PCYOX1L: variants seen among roughly 807,000 people sequenced by gnomAD.
PCYOX1L encodes the protein prenylcysteine oxidase 1-like.
PCYOX1L carries 40 observed loss-of-function variants against 44.1 expected under a neutral mutation model. The observed-to-expected ratio is 0.91, with a 90% CI of 0.70 to 1.18. The LOEUF is 1.18. PCYOX1L is among the 50% of genes most tolerant of loss of function. The probability of loss-of-function intolerance (pLI) is 0.00; values close to 1 mark genes in which losing one functional copy is unlikely to be tolerated. For missense variants in PCYOX1L, 605 were observed against 653.3 expected (o/e 0.93, Z 0.81); for synonymous variants, 266 against 282.8 (o/e 0.94, Z 0.60).
At chr5:149,367,646 T>C (rs1758260837) in intron 5 of PCYOX1L, 146 bp downstream of exon 5, 2 of 1,193,522 alleles carry the variant, frequency 1.7e-6, no homozygotes, top group African/African-American at 1.6e-5. Flanking sequence ...CCCTGCCAGG[T>C]GACACTAGAG....
At chr5:149,365,850 C>T (rs1758178477) in intron 3 of PCYOX1L, 92 bp from the exon 4 acceptor site, 3 of 1,175,744 alleles carry the variant, frequency 2.6e-6, no homozygotes, top group African/African-American at 1.5e-5. Flanking sequence ...GTGATGGGTT[C>T]CTGGTGGGCC....
intron 1 of PCYOX1L, among the ~76,000 whole-genome samples, chr5:149,358,701 G>A (rs1275004441): frequency 6.6e-6 from 1 of 152,252 alleles, no homozygotes; most frequent in Non-Finnish European, 1.5e-5. Flanking sequence ...AGGTCGATAG[G>A]AGACAGTCCT....
In PCYOX1L at chr5:149,368,424, AC is replaced by A. The variant is rs1236959792; in HGVS notation, c.1256del (p.Thr419LysfsTer40). ...GTTCCGTTCCTATTACTCAGTGCAG[AC>A]AGCTGAGTGGCAGGCCCATCCCCTC... ...TLFRSYYSVQ[T>X]AEWQAHPLYG... On this transcript the variant is annotated frameshift_variant, in exon 6 of 6. Transcript: ENST00000274569. LOFTEE classifies it high-confidence loss of function. The A allele has an allele frequency of 6.2e-7, 1 of 1,614,132 alleles. No homozygotes were observed. Among genetic ancestry groups the A allele is most frequent in the Non-Finnish European group, 8.5e-7 (1 of 1,180,018 alleles).
At position 149,367,365 on chromosome 5, in the gene PCYOX1L, A is replaced by G. The variant is rs1283747205; in HGVS notation, c.688A>G (p.Met230Val). 9 of 1,609,594 alleles carry G rather than the reference A, an allele frequency of 5.6e-6. No individual in the cohort carries two copies. Among genetic ancestry groups the G allele is most frequent in the South Asian group, 1.1e-5 (1 of 90,594 alleles). ...CCACTTCCCGCTTTGCCCAGGAGCC[A>G]TGTCACTAGCCGGGGCCCAAGGCAG... ...SAAMPAFAGA[M>V]SLAGAQGSLW... The change falls in exon 5 of 6, where the codon ATG becomes GTG. Residue 230 changes from methionine (M) to valine (V), a missense_variant. Transcript: ENST00000274569.
chr5:149,359,756 G>T (rs1005139203), intron 1 of PCYOX1L, among the ~76,000 whole-genome samples: 17 of 152,332 alleles, frequency 1.1e-4, no homozygotes, highest in African/African-American at 4.1e-4. Context: ...AGGACACTTG[G>T]CAATGCCTCA....
In PCYOX1L at chr5:149,368,102, C is replaced by T. The variant is rs1395543368; in HGVS notation, c.933C>T (p.Ser311=). ...CCCTGCACCTGGACAACAGCAGCAG[C>T]AACTTAACCTTTGCAGGCTTCCACC... ...ATPLHLDNSS[S]NLTFAGFHPP... is the part of the protein sequence containing the mutation. Residue 311 remains serine, a synonymous_variant, in exon 6 of 6, where the codon AGC becomes AGT. Transcript: ENST00000274569. 6.2e-7 allele frequency: 1 copy of T among 1,612,548 alleles called. No individual in the cohort carries two copies. Among genetic ancestry groups the T allele is most frequent in the Non-Finnish European group, 8.5e-7 (1 of 1,179,152 alleles).
At chr5:149,361,664 T>A (rs140963954) in intron 1 of PCYOX1L, among the ~76,000 whole-genome samples, 2,677 of 152,276 alleles carry the variant, frequency 0.018, 81 homozygotes, top group African/African-American at 0.058. Context: ...GTTTTGCTCT[T>A]GTTTCCCAGG....
rs746210485 is a variant in PCYOX1L, at chr5:149,365,996, C to G, written c.525C>G (p.Leu175=). 1.3e-5 allele frequency: 21 copies of G among 1,614,144 alleles called. No individual in the cohort carries two copies. Among genetic ancestry groups the G allele is most frequent in the East Asian group, 2.2e-5 (1 of 44,898 alleles). The change falls in exon 4 of 6, where the codon CTC becomes CTG. Residue 175 remains leucine, a synonymous_variant. Coordinates refer to ENST00000274569, the MANE Select transcript of PCYOX1L (RefSeq NM_024028.4). ...CCTTCTCGGGTGTGGAGGAGCTGCT[C>G]TACTCACTGGGGGAGTCCACCTTTG... is the stretch of plus-strand genomic sequence containing the variant. The part of the protein sequence containing the change: ...GYAFSGVEEL[L]YSLGESTFVN...
intron 1 of PCYOX1L, chr5:149,362,112 T>C (rs1017338355): frequency 4.9e-5 from 8 of 163,888 alleles, no homozygotes; most frequent in Middle Eastern, 3.2e-3. Context: ...AAAACAGTCA[T>C]AGACAATAAT....
Position 149,364,082 on chromosome 5 carries a change from C to T in PCYOX1L, c.342C>T (p.Gly114=), listed in dbSNP as rs763580313. The change falls in exon 3 of 6, where the codon GGC becomes GGT. Residue 114 remains glycine, a synonymous_variant. Coordinates refer to ENST00000274569, the MANE Select transcript of PCYOX1L (RefSeq NM_024028.4). ...REVVGRSAIF[G]GEHFMLEETD... ...TGGTGGGCAGGAGCGCCATCTTCGG[C>T]GGGGAGCACTTCATGCTGGAGGAGA... 53 of 1,613,974 alleles carry T rather than the reference C, an allele frequency of 3.3e-5. No homozygotes were observed. The highest frequency in any genetic ancestry group is 3.3e-4 in the Middle Eastern group (2 of 6,084).
chr5:149,365,655 C>T, intron 3 of PCYOX1L: 1 of 471,998 alleles, frequency 2.1e-6, no homozygotes, highest in South Asian at 2.5e-5. Flanking sequence ...TGAACTATGA[C>T]CTCAGGCAGG....
chr5:149,362,905 C>T, intron 2 of PCYOX1L, 62 bp downstream of exon 2: 1 of 1,550,810 alleles, frequency 6.4e-7, no homozygotes, highest in Non-Finnish European at 8.9e-7. Context: ...AGCACTGGGC[C>T]CTTCTCAGAC....
At chr5:149,367,637 C>A in intron 5 of PCYOX1L, 137 bp downstream of exon 5, 2 of 1,265,818 alleles carry the variant, frequency 1.6e-6, no homozygotes, top group Non-Finnish European at 1.1e-6. Context: ...AAGCCCCAAC[C>A]CTGCCAGGTG....
At chr5:149,359,321 C>T (rs114596774) in intron 1 of PCYOX1L, among the ~76,000 whole-genome samples, 2,674 of 152,284 alleles carry the variant, frequency 0.018, 82 homozygotes, top group African/African-American at 0.058. Context: ...CCAGGCCATA[C>T]AGGGTTAAGA....
At chr5:149,366,597 G>A (rs544892717) in intron 4 of PCYOX1L, among the ~76,000 whole-genome samples, 21 of 152,222 alleles carry the variant, frequency 1.4e-4, no homozygotes, top group Non-Finnish European at 2.6e-4. Context: ...AGTGGAGAAT[G>A]TAGGCTTCAC....
Position 149,358,151 on chromosome 5 carries a change from A to C in PCYOX1L, c.83A>C (p.Lys28Thr). The C allele has an allele frequency of 6.9e-7, 1 of 1,455,856 alleles. No individual in the cohort carries two copies. The highest frequency in any genetic ancestry group is 9.0e-7 in the Non-Finnish European group (1 of 1,107,096). 90.2% of individuals were successfully genotyped at this position (1,455,856 alleles called of 1,614,324 possible). A position where few individuals can be genotyped will look rare whatever the true frequency, so the allele number is the denominator to read the frequency against. ...GCTGGCGGAGATGCCCCGCCGGGCA[A>C]AATCGGTGCGGGAAGGACGCGGTGG... Reference protein sequence around the residue: ...AAAGGDAPPGKIAVVGAGIGG... With the variant: ...AAAGGDAPPGTIAVVGAGIGG... Residue 28 changes from lysine to threonine, a missense_variant, in exon 1 of 6, where the codon AAA becomes ACA. Transcript: ENST00000274569.
At chr5:149,364,756 C>A (rs541632324) in intron 3 of PCYOX1L, 1 of 153,268 alleles carries the variant, frequency 6.5e-6, no homozygotes, top group East Asian at 1.9e-4. Flanking sequence ...AGCCTGTGGA[C>A]CACTCATTTG....
intron 2 of PCYOX1L, 35 bp downstream of exon 2, chr5:149,362,878 G>A (rs773752178): frequency 1.2e-5 from 20 of 1,606,750 alleles, no homozygotes; most frequent in Non-Finnish European, 1.5e-5. Context: ...AGTGCCCAGC[G>A]CCCTGGGGCT....
Position 149,358,149 on chromosome 5 carries a change from C to G in PCYOX1L, c.81C>G (p.Gly27=), listed in dbSNP as rs1757904505. Reference sequence around the variant, plus strand: ...CTGCTGGCGGAGATGCCCCGCCGGGCAAAATCGGTGCGGGAAGGACGCGGT... The same window carrying G: ...CTGCTGGCGGAGATGCCCCGCCGGGGAAAATCGGTGCGGGAAGGACGCGGT... ...AAAAGGDAPP[G]KIAVVGAGIG... Residue 27 remains glycine (G), a synonymous_variant, in exon 1 of 6, where the codon GGC becomes GGG. Coordinates refer to ENST00000274569, the MANE Select transcript of PCYOX1L (RefSeq NM_024028.4). 2 of 1,457,506 alleles carry G rather than the reference C, an allele frequency of 1.4e-6. No homozygotes were observed. The highest frequency in any genetic ancestry group is 1.8e-6 in the Non-Finnish European group (2 of 1,107,974). 90.3% of individuals were successfully genotyped at this position (1,457,506 alleles called of 1,614,324 possible). A position where few individuals can be genotyped will look rare whatever the true frequency, so the allele number is the denominator to read the frequency against.
Sources: allele counts gnomAD v4.1 joint callset (sites outside exome capture counted in the v4.1 genomes callset), GRCh38; gene constraint gnomAD v4.1.1; transcripts MANE v1.5; gene names NCBI Gene and HGNC (gene_info 2026-07-23, HGNC 2026-07-21).